Variants in VWA3B observed in about 807,000 individuals in gnomAD.
VWA3B encodes von Willebrand factor A domain containing 3B.
VWA3B carries 138 observed loss-of-function variants against 158.3 expected under a neutral mutation model. That is an observed-to-expected ratio of 0.87 (90% CI 0.76 to 1.00). The LOEUF (loss-of-function observed/expected upper bound fraction) is 1.00, where lower values mean the gene tolerates loss of function less well. VWA3B is among the 50% of genes least tolerant of loss of function. The pLI is 0.00. For synonymous variants in VWA3B, 596 were observed against 587.3 expected (o/e 1.01, Z -0.21); for missense variants, 1,555 against 1,565.1 (o/e 0.99, Z 0.11).
chr2:98,297,949 G>C lies in VWA3B; in HGVS notation c.3200G>C (p.Gly1067Ala), dbSNP rs199775775. 2.2e-5 allele frequency: 35 copies of C among 1,585,442 alleles called. No homozygotes were observed. Among genetic ancestry groups the C allele is most frequent in the Non-Finnish European group, 2.4e-5 (28 of 1,165,646 alleles). ...KCVSRTQALV[G>A]FSYGDTKVVS... is the part of the protein sequence containing the mutation. Reference sequence around the variant, plus strand: ...GTGAGCCGCACCCAAGCACTGGTGGGCTTCAGTTACGGAGACACCAAGGTC... The same window carrying C: ...GTGAGCCGCACCCAAGCACTGGTGGCCTTCAGTTACGGAGACACCAAGGTC... The change falls in exon 24 of 28, where the codon GGC becomes GCC. Residue 1067 changes from glycine to alanine, a missense_variant. Coordinates refer to ENST00000477737, the MANE Select transcript of VWA3B (RefSeq NM_144992.5).
chr2:98,275,635 G>T (rs148094735), intron 22 of VWA3B, among the ~76,000 whole-genome samples: 3 of 152,338 alleles, frequency 2.0e-5, no homozygotes, highest in Non-Finnish European at 4.4e-5. Flanking sequence ...CACATACCTG[G>T]GAGAGTGCAC....
At chr2:98,139,849 T>C (rs138092509) in intron 7 of VWA3B, among the ~76,000 whole-genome samples, 1 of 152,038 alleles carries the variant, frequency 6.6e-6, no homozygotes, top group African/African-American at 2.4e-5. Context: ...CCCCCTCAGG[T>C]CCCCTCAGGC....
At chr2:98,235,669 A>C (rs1254809746) in intron 17 of VWA3B, among the ~76,000 whole-genome samples, 1 of 152,020 alleles carries the variant, frequency 6.6e-6, no homozygotes, top group Non-Finnish European at 1.5e-5. Context: ...CAAGTGAGCC[A>C]CCCGCCTTGG....
intron 1 of VWA3B, among the ~76,000 whole-genome samples, chr2:98,090,210 A>G (rs1682179149): frequency 6.6e-6 from 1 of 152,232 alleles, no homozygotes; most frequent in Non-Finnish European, 1.5e-5. Flanking sequence ...TTTCAGCTCC[A>G]GTCTTTGTGG....
chr2:98,308,308 G>A (rs1193626008), intron 26 of VWA3B, among the ~76,000 whole-genome samples: 1 of 152,200 alleles, frequency 6.6e-6, no homozygotes, highest in African/African-American at 2.4e-5. Flanking sequence ...TTTCAAGACA[G>A]TGTGTCCGAT....
chr2:98,183,635 C>T (rs1680773345), intron 9 of VWA3B, among the ~76,000 whole-genome samples: 1 of 152,128 alleles, frequency 6.6e-6, no homozygotes, highest in Non-Finnish European at 1.5e-5. Context: ...GTTCAAAAAC[C>T]CATTCTTGTC....
At position 98,125,771 on chromosome 2, in the gene VWA3B, C is replaced by T. The variant is rs1675301512; in HGVS notation, c.703-2468C>T. On this transcript the variant is annotated intron_variant, in intron 5 of 27. Transcript: ENST00000477737. The surrounding 1 kb of genome is among the most constrained non-coding windows in gnomAD (Gnocchi z 4.1). The stretch of plus-strand genomic sequence containing the variant: ...CTCCGCCTCCCAGGTTCACGCCATT[C>T]TCCTGCCTCAGCCTCCCCAGTAGCT... Among the ~76,000 whole-genome samples the T allele has an allele frequency of 6.6e-6, 1 of 152,182 alleles. No homozygotes were observed. The highest frequency in any genetic ancestry group is 1.5e-5 in the Non-Finnish European group (1 of 68,024).
At chr2:98,298,226 A>T (rs1689936843) in intron 24 of VWA3B, among the ~76,000 whole-genome samples, 195 bp downstream of exon 24, 1 of 152,076 alleles carries the variant, frequency 6.6e-6, no homozygotes, top group African/African-American at 2.4e-5. Flanking sequence ...CGTGACCCTG[A>T]CCTGCCAACT....
intron 22 of VWA3B, among the ~76,000 whole-genome samples, chr2:98,274,528 G>C (rs1010314756): frequency 3.9e-5 from 6 of 152,186 alleles, no homozygotes; most frequent in African/African-American, 1.2e-4. Context: ...TGGAGTGAAA[G>C]AAACAGCCTG....
chr2:98,144,856 G>A (rs372711022), intron 7 of VWA3B, among the ~76,000 whole-genome samples: 18 of 152,196 alleles, frequency 1.2e-4, no homozygotes, highest in East Asian at 3.9e-4. Flanking sequence ...ATGAGCCACC[G>A]CGTTATCCCC....
At chr2:98,311,356 A>C (rs1301382632) in intron 26 of VWA3B, among the ~76,000 whole-genome samples, 4 of 152,198 alleles carry the variant, frequency 2.6e-5, no homozygotes, top group African/African-American at 9.6e-5. Context: ...AAATCATACC[A>C]TTTTGGACAT....
chr2:98,220,165 T>TAAAAAA lies in VWA3B; in HGVS notation c.2019+2154_2019+2159dup, dbSNP rs58005028. Among the ~76,000 whole-genome samples the TAAAAAA allele has an allele frequency of 1.6e-4, 13 of 83,652 alleles. No individual in the cohort carries two copies. The South Asian group carries it at 2.2e-3, about 14-fold the overall frequency. The allele number at this position is 83,652 out of a possible 152,430, so 54.9% of individuals were successfully genotyped here. On this transcript the variant is annotated intron_variant, in intron 14 of 27. Transcript: ENST00000477737. Reference sequence around the variant, plus strand: ...GGTGACAGAGTGAGAACCTGTCTCATAAAAAAAAAAAAAAAAAAAAAAGAT... The same window carrying TAAAAAA: ...GGTGACAGAGTGAGAACCTGTCTCATAAAAAAAAAAAAAAAAAAAAAAAAAAAAGAT...
chr2:98,210,357 A>G (rs1215724719), intron 12 of VWA3B, among the ~76,000 whole-genome samples: 1 of 152,168 alleles, frequency 6.6e-6, no homozygotes, highest in Non-Finnish European at 1.5e-5. Flanking sequence ...GCTGGGCATG[A>G]ACTTTTACAG....
intron 1 of VWA3B, among the ~76,000 whole-genome samples, chr2:98,091,271 T>C (rs749116961): frequency 5.9e-5 from 9 of 152,220 alleles, no homozygotes; most frequent in Non-Finnish European, 8.8e-5. Flanking sequence ...TCACTGGCTG[T>C]GGCAGAACCT....
At chr2:98,250,268 G>T (rs773798794) in intron 19 of VWA3B, 50 bp from the exon 20 acceptor site, 1 of 1,418,366 alleles carries the variant, frequency 7.1e-7, no homozygotes, top group Non-Finnish European at 9.8e-7. Context: ...TCGAAGGCAC[G>T]CATTAACCTA....
intron 2 of VWA3B, among the ~76,000 whole-genome samples, chr2:98,096,738 T>C (rs1045861432): frequency 2.0e-5 from 3 of 152,234 alleles, no homozygotes; most frequent in African/African-American, 7.2e-5. Flanking sequence ...CTTATGATCC[T>C]TTGTATTTCT....
At chr2:98,286,698 G>T (rs1041314931) in intron 22 of VWA3B, among the ~76,000 whole-genome samples, 2 of 152,012 alleles carry the variant, frequency 1.3e-5, no homozygotes, top group African/African-American at 4.8e-5. Context: ...TATGGATTTT[G>T]TGTCTACATT....
chr2:98,089,572 A>G (rs1253300333), intron 1 of VWA3B, among the ~76,000 whole-genome samples: 2 of 151,570 alleles, frequency 1.3e-5, no homozygotes, highest in Non-Finnish European at 2.9e-5. Context: ...TTGCTCTGAT[A>G]GAACAGTTCC....
intron 7 of VWA3B, among the ~76,000 whole-genome samples, chr2:98,147,845 C>G (rs1184944763): frequency 6.7e-6 from 1 of 149,084 alleles, no homozygotes; most frequent in Non-Finnish European, 1.5e-5. Context: ...TGCTATCACT[C>G]CCCCCTCCCC....
Sources: gnomAD v4.1 joint callset for allele counts (sites outside exome capture counted in the v4.1 genomes callset) on GRCh38, gnomAD v4.1.1 for gene constraint, Gnocchi (gnomAD v3.1) non-coding constraint, MANE v1.5 for transcripts, NCBI Gene and HGNC (gene_info 2026-07-23, HGNC 2026-07-21) for gene names.